The following SLC17A3 variants were observed in gnomAD, a reference collection of about 807,000 sequenced individuals.
SLC17A3 encodes solute carrier family 17 member 3, also known as sodium-dependent phosphate transport protein 4.
SLC17A3 carries 61 observed loss-of-function variants against 60.3 expected under a neutral mutation model. That is an observed-to-expected ratio of 1.01 (90% CI 0.82 to 1.25). The LOEUF is 1.25. Ranked by LOEUF, SLC17A3 falls within the 50% of genes most tolerant of loss-of-function variation. The probability of loss-of-function intolerance (pLI) is 0.00; values close to 1 mark genes in which losing one functional copy is unlikely to be tolerated. For synonymous variants in SLC17A3, 192 were observed against 208.9 expected (o/e 0.92, Z 0.70); for missense variants, 624 against 594.9 (o/e 1.05, Z -0.51).
At chr6:25,873,175 A>G (rs1477987102) in intron 1 of SLC17A3, among the ~76,000 whole-genome samples, 1 of 152,126 alleles carries the variant, frequency 6.6e-6, no homozygotes, top group Non-Finnish European at 1.5e-5. Flanking sequence ...AGCACAACAT[A>G]GAAAATGCAC....
intron 11 of SLC17A3, among the ~76,000 whole-genome samples, chr6:25,846,187 A>C (rs1765171869): frequency 6.6e-6 from 1 of 152,188 alleles, no homozygotes; most frequent in Non-Finnish European, 1.5e-5. Flanking sequence ...CTATTTTATC[A>C]CTATTTGAAA....
At chr6:25,864,264 G>A (rs1025118177) in intron 2 of SLC17A3, among the ~76,000 whole-genome samples, 1 of 151,948 alleles carries the variant, frequency 6.6e-6, no homozygotes, top group Admixed American at 6.6e-5. Context: ...GCCATTGCAG[G>A]TACTTTGGCT....
At position 25,849,322 on chromosome 6, in the gene SLC17A3, A is replaced by T. The variant is rs1765229561; in HGVS notation, c.1362+52T>A. On this transcript the variant is annotated intron_variant, in intron 11 of 12. Coordinates refer to ENST00000397060, the MANE Select transcript of SLC17A3 (RefSeq NM_001098486.2). ...TTTGAATACATGCTATCACCTTTATAAGTGGATTTAGCAGAGCATCTTTGG... is the reference window on the plus strand; with the variant it reads ...TTTGAATACATGCTATCACCTTTATTAGTGGATTTAGCAGAGCATCTTTGG... 13 of 1,013,682 alleles carry T rather than the reference A, an allele frequency of 1.3e-5. No homozygotes were observed. In the South Asian group the frequency reaches 1.7e-4, roughly 13 times the overall value. 62.8% of individuals were successfully genotyped at this position (1,013,682 alleles called of 1,614,324 possible).
chr6:25,846,486 A>G (rs1019969349), intron 11 of SLC17A3, among the ~76,000 whole-genome samples: 1 of 152,368 alleles, frequency 6.6e-6, no homozygotes, highest in Admixed American at 6.5e-5. Context: ...TTCCATTTCT[A>G]TGAAAGGCAA....
chr6:25,862,040 CAG>C lies in SLC17A3; in HGVS notation c.304-13_304-12del, dbSNP rs1247971906. On this transcript the variant is annotated splice_polypyrimidine_tract_variant and intron_variant, in intron 3 of 12. Transcript: ENST00000397060. ...GTCATACACAGGAGCCTTAGAGAAA[CAG>C]AGAATGCTGTAGTAAACCTTACACA... 4.4e-6 allele frequency: 7 copies of C among 1,584,056 alleles called. No homozygotes were observed. The Admixed American group carries it at 5.3e-5, about 12-fold the overall frequency.
At chr6:25,849,991 C>A in intron 9 of SLC17A3, 39 bp from the exon 10 acceptor site, 1 of 1,613,920 alleles carries the variant, frequency 6.2e-7, no homozygotes, top group Non-Finnish European at 8.5e-7. Flanking sequence ...CAGTGAGATG[C>A]ATTCTTTGGC....
At chr6:25,871,607 T>C (rs2151529112) in intron 1 of SLC17A3, among the ~76,000 whole-genome samples, 1 of 152,016 alleles carries the variant, frequency 6.6e-6, no homozygotes, top group South Asian at 2.1e-4. Context: ...CTGCACATTG[T>C]GCACATGTAC....
Position 25,849,661 on chromosome 6 carries a change from A to G in SLC17A3, c.1271+144T>C. On this transcript the variant is annotated intron_variant, in intron 10 of 12. Coordinates refer to ENST00000397060, the MANE Select transcript of SLC17A3 (RefSeq NM_001098486.2). The stretch of plus-strand genomic sequence containing the variant: ...AGGACAAATCAATACCCCTTCCTCA[A>G]CATACCTGAAAAAAACGGCCACAGG... 1.2e-5 allele frequency: 11 copies of G among 925,074 alleles called. 1 individual carries two copies. Among genetic ancestry groups the G allele is most frequent in the Middle Eastern group, 3.1e-4 (1 of 3,184 alleles). 57.3% of individuals were successfully genotyped at this position (925,074 alleles called of 1,614,324 possible).
At chr6:25,873,127 C>A (rs539340933) in intron 1 of SLC17A3, among the ~76,000 whole-genome samples, 1 of 152,160 alleles carries the variant, frequency 6.6e-6, no homozygotes, top group East Asian at 1.9e-4. Flanking sequence ...GAGGGAAATC[C>A]CAAGGCACCC....
chr6:25,871,030 C>T (rs1217800927), intron 1 of SLC17A3, among the ~76,000 whole-genome samples: 2 of 152,020 alleles, frequency 1.3e-5, no homozygotes, highest in African/African-American at 4.8e-5. Flanking sequence ...TCCACTTTTA[C>T]ACTGTTGGTG....
At chr6:25,857,075 G>A (rs949229550) in intron 5 of SLC17A3, among the ~76,000 whole-genome samples, 3 of 151,674 alleles carry the variant, frequency 2.0e-5, no homozygotes, top group African/African-American at 7.3e-5. Flanking sequence ...TGTAGTTTCA[G>A]CTATTCAGGA....
At chr6:25,859,995 C>T (rs557283113) in intron 5 of SLC17A3, among the ~76,000 whole-genome samples, 14 of 152,208 alleles carry the variant, frequency 9.2e-5, no homozygotes, top group African/African-American at 2.9e-4. Context: ...GTACCTTAGG[C>T]TACCAAAGTA....
intron 5 of SLC17A3, among the ~76,000 whole-genome samples, chr6:25,856,937 A>G (rs35868883): frequency 1.3e-5 from 2 of 151,998 alleles, no homozygotes; most frequent in Non-Finnish European, 2.9e-5. Context: ...TAATCCCAGC[A>G]CTTTGGGAGG....
At chr6:25,855,049 G>T in intron 6 of SLC17A3, 95 bp downstream of exon 6, 1 of 823,850 alleles carries the variant, frequency 1.2e-6, no homozygotes, top group East Asian at 2.6e-5. Context: ...TATCTGTCTT[G>T]ACTCATTTCC....
chr6:25,867,646 A>T (rs1188235522), intron 2 of SLC17A3, among the ~76,000 whole-genome samples: 3 of 151,938 alleles, frequency 2.0e-5, no homozygotes, highest in African/African-American at 7.2e-5. Flanking sequence ...AAACCCTACA[A>T]ATTAAATATC....
chr6:25,870,275 T>A (rs1198002736), intron 1 of SLC17A3, among the ~76,000 whole-genome samples: 1 of 152,024 alleles, frequency 6.6e-6, no homozygotes, highest in African/African-American at 2.4e-5. Flanking sequence ...CCTGGTTCTA[T>A]ATTCAAAGAT....
At chr6:25,865,879 G>A (rs937701686) in intron 2 of SLC17A3, among the ~76,000 whole-genome samples, 1 of 151,974 alleles carries the variant, frequency 6.6e-6, no homozygotes, top group Non-Finnish European at 1.5e-5. Flanking sequence ...AAGCACCTGA[G>A]GGTATTCTAT....
intron 6 of SLC17A3, among the ~76,000 whole-genome samples, chr6:25,853,172 G>A (rs553992065): frequency 2.6e-5 from 4 of 152,108 alleles, no homozygotes; most frequent in South Asian, 4.2e-4. Flanking sequence ...TGTAGGCACC[G>A]TCCTCAGCCT....
intron 2 of SLC17A3, 55 bp downstream of exon 2, chr6:25,868,242 G>A (rs1353105932): frequency 4.0e-6 from 5 of 1,245,760 alleles, no homozygotes; most frequent in Non-Finnish European, 5.9e-6. Flanking sequence ...GTAATACGTT[G>A]ACAAAAAGAA....
Sources: allele counts gnomAD v4.1 joint callset (sites outside exome capture counted in the v4.1 genomes callset), GRCh38; gene constraint gnomAD v4.1.1; transcripts MANE v1.5; gene names NCBI Gene and HGNC (gene_info 2026-07-23, HGNC 2026-07-21).